Variants in TMEM156 observed in about 807,000 individuals in gnomAD.
The protein encoded by TMEM156 is transmembrane protein 156.
A neutral mutation model predicts 30.5 loss-of-function variants in TMEM156; 28 were observed. That is an observed-to-expected ratio of 0.92 (90% CI 0.68 to 1.26). The LOEUF is 1.26. Ranked by LOEUF, TMEM156 falls within the 50% of genes most tolerant of loss-of-function variation. The probability of loss-of-function intolerance (pLI) is 0.00; values close to 1 mark genes in which losing one functional copy is unlikely to be tolerated. For missense variants in TMEM156, 351 were observed against 340.6 expected (o/e 1.03, Z -0.24); for synonymous variants, 137 against 119.9 (o/e 1.14, Z -0.93).
At chr4:38,983,960 G>C (rs1711769701) in intron 5 of TMEM156, among the ~76,000 whole-genome samples, 1 of 152,126 alleles carries the variant, frequency 6.6e-6, no homozygotes, top group Non-Finnish European at 1.5e-5. Context: ...CTTTTATAGT[G>C]CCAGATATTA....
chr4:38,993,628 C>G (rs528199269), intron 3 of TMEM156, 110 bp downstream of exon 3: 244 of 841,250 alleles, frequency 2.9e-4, no homozygotes, highest in Non-Finnish European at 4.3e-4. Context: ...ATTATTTCAT[C>G]AGTAAAATTC....
chr4:38,989,453 G>A (rs1560364155), intron 3 of TMEM156, among the ~76,000 whole-genome samples: 1 of 152,236 alleles, frequency 6.6e-6, no homozygotes, highest in Admixed American at 6.5e-5. Flanking sequence ...TAAGTGGCCA[G>A]GACAATGAAT....
At chr4:39,006,343 T>C (rs1713736480) in intron 1 of TMEM156, among the ~76,000 whole-genome samples, 1 of 152,160 alleles carries the variant, frequency 6.6e-6, no homozygotes, top group Non-Finnish European at 1.5e-5. Context: ...AGGTTGTCTT[T>C]TATTTAATTA....
In TMEM156 at chr4:38,978,387, C is replaced by T. The variant is rs143428854; in HGVS notation, c.824-7250G>A. On this transcript the variant is annotated intron_variant, in intron 5 of 6. Coordinates refer to ENST00000381938, the MANE Select transcript of TMEM156 (RefSeq NM_024943.3). ...TTTGTTGTAATTACTCATTTGTCTGCCTCCTTGAGCACAAAGCTGGTATTC... is the reference window on the plus strand; with the variant it reads ...TTTGTTGTAATTACTCATTTGTCTGTCTCCTTGAGCACAAAGCTGGTATTC... Among the ~76,000 whole-genome samples the T allele has an allele frequency of 5.1e-3, 777 of 152,290 alleles. 8 individuals are homozygous for T. The highest frequency in any genetic ancestry group is 0.018 in the African/African-American group (732 of 41,552).
chr4:39,027,578 C>T (rs1333512448), intron 1 of TMEM156, among the ~76,000 whole-genome samples: 2 of 103,914 alleles, frequency 1.9e-5, no homozygotes, highest in African/African-American at 7.5e-5. Flanking sequence ...TTTTTTGAGA[C>T]GGAGTCTTGC....
chr4:38,992,181 A>G (rs1250136097), intron 3 of TMEM156, among the ~76,000 whole-genome samples: 6 of 152,218 alleles, frequency 3.9e-5, no homozygotes, highest in Admixed American at 3.9e-4. Flanking sequence ...TGTCTGGAAT[A>G]TCAAAAAGGA....
Position 39,019,809 on chromosome 4 carries a change from C to T in TMEM156, c.88+12417G>A, listed in dbSNP as rs79443091. Among the ~76,000 whole-genome samples the T allele has an allele frequency of 1.6e-3, 247 of 152,088 alleles. 2 individuals are homozygous for T. The highest frequency in any genetic ancestry group is 5.5e-3 in the African/African-American group (229 of 41,468). On this transcript the variant is annotated intron_variant, in intron 1 of 6. Transcript: ENST00000381938. ...ACATACCATTTTCGTTTGTGTGTGG[C>T]GAGAACATTTACTCTCTTAGCAATT...
intron 5 of TMEM156, among the ~76,000 whole-genome samples, chr4:38,977,739 A>G (rs1225544649): frequency 1.3e-5 from 2 of 152,210 alleles, no homozygotes; most frequent in East Asian, 1.9e-4. Flanking sequence ...GAAACTTCAA[A>G]CAGCCTTAAA....
intron 2 of TMEM156, among the ~76,000 whole-genome samples, chr4:38,998,173 C>G (rs914829511): frequency 6.6e-6 from 1 of 151,986 alleles, no homozygotes; most frequent in African/African-American, 2.4e-5. Flanking sequence ...AAACCAAAAC[C>G]GAGTAACATC....
rs148578793 is a variant in TMEM156 at position 39,018,855 on chromosome 4, T to C, written c.88+13371A>G. The stretch of plus-strand genomic sequence containing the variant: ...GGCCAACATGGTGAAACCCCGTCTC[T>C]ACTAAAAATACAAAAATTAGCTGGG... On this transcript the variant is annotated intron_variant, in intron 1 of 6. Transcript: ENST00000381938. Among the ~76,000 whole-genome samples the C allele has an allele frequency of 8.2e-3, 1,246 of 152,086 alleles. 19 individuals are homozygous for C. Among genetic ancestry groups the C allele is most frequent in the African/African-American group, 0.028 (1,163 of 41,474 alleles).
At chr4:38,972,242 ATTTTTTTTTTTTTTTTTTTTTT>A (rs144479056) in intron 5 of TMEM156, among the ~76,000 whole-genome samples, 1 of 75,816 alleles carries the variant, frequency 1.3e-5, no homozygotes, top group African/African-American at 6.1e-5. Context: ...TTCTCTGGGA[ATTTTTTTTTTTTTTTTTTTTTT>A]TTTTTTTGAG....
chr4:39,005,998 C>T (rs545728226), intron 1 of TMEM156, among the ~76,000 whole-genome samples: 11 of 152,238 alleles, frequency 7.2e-5, no homozygotes, highest in Non-Finnish European at 7.4e-5. Flanking sequence ...CGGGTTCAAG[C>T]GATTCTCCTG....
intron 5 of TMEM156, among the ~76,000 whole-genome samples, chr4:38,979,508 T>C (rs541348065): frequency 6.6e-6 from 1 of 152,332 alleles, no homozygotes; most frequent in African/African-American, 2.4e-5. Context: ...ACAAAAAATA[T>C]TTTCACCAGC....
In TMEM156 at chr4:38,973,438, AAGTTTATTCCTAGTT is replaced by A. The variant is rs1247144584; in HGVS notation, c.824-2316_824-2302del. ...AGAAAGATCTTGCAAATTTCTTACT[AAGTTTATTCCTAGTT>A]ACTTTATTTATAATTGTTTTAAATA... On this transcript the variant is annotated intron_variant, in intron 5 of 6. Coordinates refer to ENST00000381938, the MANE Select transcript of TMEM156 (RefSeq NM_024943.3). Among the ~76,000 whole-genome samples the A allele has an allele frequency of 2.6e-5, 4 of 152,128 alleles. No homozygotes were observed. The East Asian group carries it at 7.7e-4, about 29-fold the overall frequency.
At chr4:39,010,415 A>G (rs920601893) in intron 1 of TMEM156, among the ~76,000 whole-genome samples, 2 of 152,054 alleles carry the variant, frequency 1.3e-5, no homozygotes, top group Non-Finnish European at 2.9e-5. Context: ...CATATGAACC[A>G]CCCACCCACC....
At position 39,023,191 on chromosome 4, in the gene TMEM156, A is replaced by G. The variant is rs535443378; in HGVS notation, c.88+9035T>C. ...TTCTGCAACCCAGAAGAGGACCCTC[A>G]TCAGAATCAACCATGCTGGCATACT... On this transcript the variant is annotated intron_variant, in intron 1 of 6. Coordinates refer to ENST00000381938, the MANE Select transcript of TMEM156 (RefSeq NM_024943.3). 4.6e-5 allele frequency among the ~76,000 whole-genome samples: 7 copies of G among 152,328 alleles called. No individual in the cohort carries two copies. In the South Asian group the frequency reaches 1.4e-3, roughly 32 times the overall value.
intron 1 of TMEM156, among the ~76,000 whole-genome samples, chr4:39,013,852 G>C (rs1714297658): frequency 6.6e-6 from 1 of 152,132 alleles, no homozygotes; most frequent in South Asian, 2.1e-4. Flanking sequence ...TTTAAATACT[G>C]TCAAATACTT....
At chr4:38,997,306 C>A (rs1263226214) in intron 2 of TMEM156, among the ~76,000 whole-genome samples, 1 of 152,202 alleles carries the variant, frequency 6.6e-6, no homozygotes, top group Non-Finnish European at 1.5e-5. Context: ...AGGGTTGGAA[C>A]ATTACCTACT....
At chr4:38,977,643 C>T (rs1324045785) in intron 5 of TMEM156, among the ~76,000 whole-genome samples, 1 of 152,184 alleles carries the variant, frequency 6.6e-6, no homozygotes, top group Non-Finnish European at 1.5e-5. Flanking sequence ...GCAGTAGAAA[C>T]AGTCAGAAAT....
Sources: allele counts gnomAD v4.1 joint callset (sites outside exome capture counted in the v4.1 genomes callset), GRCh38; gene constraint gnomAD v4.1.1; transcripts MANE v1.5; gene names NCBI Gene and HGNC (gene_info 2026-07-23, HGNC 2026-07-21).